RSPO2: variants seen among roughly 807,000 people sequenced by gnomAD.
The protein encoded by RSPO2 is R-spondin-2.
A neutral mutation model predicts 30.9 loss-of-function variants in RSPO2; 14 were observed. That is an observed-to-expected ratio of 0.45 (90% CI 0.30 to 0.71). RSPO2 has a LOEUF of 0.71. RSPO2 is among the 30% of genes least tolerant of loss of function. The pLI is 0.08. For synonymous variants in RSPO2, 107 were observed against 96.4 expected (o/e 1.11, Z -0.64); for missense variants, 264 against 301.9 (o/e 0.87, Z 0.93).
At chr8:107,974,489 G>A (rs1270577791) in intron 3 of RSPO2, among the ~76,000 whole-genome samples, 2 of 152,134 alleles carry the variant, frequency 1.3e-5, no homozygotes, top group East Asian at 1.9e-4. Flanking sequence ...ACTCCAGTCT[G>A]GGCAACAGAG....
At chr8:108,063,150 C>T (rs2130708440) in intron 2 of RSPO2, among the ~76,000 whole-genome samples, 1 of 151,950 alleles carries the variant, frequency 6.6e-6, no homozygotes, top group East Asian at 1.9e-4. Flanking sequence ...CTCACCACTC[C>T]TATTCAAAAT....
At chr8:107,926,912 GT>G (rs998053774) in intron 5 of RSPO2, among the ~76,000 whole-genome samples, 5 of 152,114 alleles carry the variant, frequency 3.3e-5, no homozygotes, top group Admixed American at 2.0e-4. Flanking sequence ...CTTTAAAGTA[GT>G]TTTTTCCAAT....
intron 2 of RSPO2, among the ~76,000 whole-genome samples, chr8:108,002,217 C>G (rs1184236884): frequency 6.6e-6 from 1 of 152,116 alleles, no homozygotes; most frequent in African/African-American, 2.4e-5. Context: ...CCAGCATGAG[C>G]AGATCTAAAT....
At chr8:108,075,010 T>C (rs1016511429) in intron 2 of RSPO2, among the ~76,000 whole-genome samples, 1 of 152,202 alleles carries the variant, frequency 6.6e-6, no homozygotes, top group Admixed American at 6.5e-5. Context: ...ACTAAAATCA[T>C]AAATATAATA....
At chr8:107,905,395 C>A (rs996613820) in intron 5 of RSPO2, among the ~76,000 whole-genome samples, 2 of 151,966 alleles carry the variant, frequency 1.3e-5, no homozygotes, top group African/African-American at 4.8e-5. Context: ...CATGGACATA[C>A]CTACATACAT....
chr8:107,946,368 G>C (rs1452370495), intron 5 of RSPO2, among the ~76,000 whole-genome samples: 1 of 152,204 alleles, frequency 6.6e-6, no homozygotes, highest in Non-Finnish European at 1.5e-5. Flanking sequence ...TGAGTAACTA[G>C]AAGACTAGTG....
intron 5 of RSPO2, among the ~76,000 whole-genome samples, chr8:107,911,661 C>T (rs1266054658): frequency 6.6e-6 from 1 of 152,170 alleles, no homozygotes; most frequent in Non-Finnish European, 1.5e-5. Context: ...ATCCTTACAG[C>T]AACTCGCAAA....
At chr8:108,056,565 G>C (rs1363409741) in intron 2 of RSPO2, among the ~76,000 whole-genome samples, 3 of 141,376 alleles carry the variant, frequency 2.1e-5, no homozygotes, top group Non-Finnish European at 4.5e-5. Context: ...CAAGGCTGCA[G>C]TGAACCAAGA....
chr8:107,911,720 TAAGTA>T (rs1454257880), intron 5 of RSPO2, among the ~76,000 whole-genome samples: 4 of 152,170 alleles, frequency 2.6e-5, no homozygotes, highest in Non-Finnish European at 1.5e-5. Flanking sequence ...TTCGAGAAGT[TAAGTA>T]AATAGCACAA....
intron 2 of RSPO2, among the ~76,000 whole-genome samples, chr8:108,069,233 T>A (rs142901037): frequency 1.4e-5 from 2 of 143,768 alleles, no homozygotes; most frequent in African/African-American, 2.6e-5. Flanking sequence ...ACACACACAC[T>A]CACAGAGTCT....
chr8:108,027,241 G>A (rs973919749), intron 2 of RSPO2, among the ~76,000 whole-genome samples: 1 of 152,130 alleles, frequency 6.6e-6, no homozygotes, highest in South Asian at 2.1e-4. Context: ...TTCCTCTTGG[G>A]ATTCTCAGTA....
intron 5 of RSPO2, among the ~76,000 whole-genome samples, chr8:107,932,248 A>G (rs752560423): frequency 6.6e-6 from 1 of 152,204 alleles, no homozygotes; most frequent in Non-Finnish European, 1.5e-5. Flanking sequence ...GAAGAAGCCA[A>G]CAAGTTGTGA....
chr8:108,069,109 A>T (rs1463672845), intron 2 of RSPO2, among the ~76,000 whole-genome samples: 2 of 152,200 alleles, frequency 1.3e-5, no homozygotes, highest in East Asian at 3.9e-4. Context: ...TTGCAATTAC[A>T]TTACATTATA....
chr8:107,996,255 T>C (rs532358614), intron 2 of RSPO2, among the ~76,000 whole-genome samples: 1 of 152,208 alleles, frequency 6.6e-6, no homozygotes, highest in East Asian at 1.9e-4. Context: ...TCCAAGATTG[T>C]AACCCACCTT....
chr8:108,044,423 T>C (rs2130663875), intron 2 of RSPO2, among the ~76,000 whole-genome samples: 1 of 152,252 alleles, frequency 6.6e-6, no homozygotes, highest in East Asian at 1.9e-4. Context: ...CATTTCCATG[T>C]GTACCCAATA....
intron 5 of RSPO2, among the ~76,000 whole-genome samples, chr8:107,936,810 T>C (rs924260159): frequency 6.6e-6 from 1 of 152,198 alleles, no homozygotes; most frequent in African/African-American, 2.4e-5. Context: ...CTGTCATCTT[T>C]TGAGAAATGT....
At position 107,975,207 on chromosome 8, in the gene RSPO2, T is replaced by A. The variant is rs571241387; in HGVS notation, c.283+13849A>T. ...ATCTTGTGATCAAGAGATTCATTTATCTTTACATGACTTTAAATGCTAAAA... is the reference window on the plus strand; with the variant it reads ...ATCTTGTGATCAAGAGATTCATTTAACTTTACATGACTTTAAATGCTAAAA... On this transcript the variant is annotated intron_variant, in intron 3 of 5. Transcript: ENST00000276659. Among the ~76,000 whole-genome samples the A allele has an allele frequency of 2.0e-5, 3 of 152,386 alleles. No individual in the cohort carries two copies. The South Asian group carries it at 6.2e-4, about 32-fold the overall frequency.
chr8:107,959,021 TAA>T (rs1479439676), intron 4 of RSPO2, among the ~76,000 whole-genome samples: 3 of 152,238 alleles, frequency 2.0e-5, no homozygotes, highest in African/African-American at 4.8e-5. Context: ...GTGTAATTTT[TAA>T]AAGAGTCAAC....
chr8:108,041,562 G>T (rs1354834568), intron 2 of RSPO2, among the ~76,000 whole-genome samples: 1 of 152,028 alleles, frequency 6.6e-6, no homozygotes, highest in Non-Finnish European at 1.5e-5. Context: ...GAAGACAGTG[G>T]GTTATGCCAA....
Sources: allele counts gnomAD v4.1 joint callset (sites outside exome capture counted in the v4.1 genomes callset), GRCh38; gene constraint gnomAD v4.1.1; transcripts MANE v1.5; gene names NCBI Gene and HGNC (gene_info 2026-07-23, HGNC 2026-07-21).